RBFOX3: variants seen among roughly 807,000 people sequenced by gnomAD.
The protein encoded by RBFOX3 is RNA binding fox-1 homolog 3.
RBFOX3 carries 17 observed loss-of-function variants against 48.7 expected under a neutral mutation model. That is an observed-to-expected ratio of 0.35 (90% CI 0.24 to 0.52). RBFOX3 has a LOEUF of 0.52. RBFOX3 is among the 20% of genes least tolerant of loss of function. RBFOX3 has a pLI of 0.94. For synonymous variants in RBFOX3, 212 were observed against 209.5 expected, an observed-to-expected ratio of 1.01 and a Z score of -0.10; for missense variants, 382 against 497.5, an observed-to-expected ratio of 0.77 and a Z score of 2.21.
intron 1 of RBFOX3, among the ~76,000 whole-genome samples, chr17:79,540,115 A>G (rs1235301748): frequency 1.3e-5 from 2 of 152,078 alleles, no homozygotes; most frequent in African/African-American, 4.8e-5. Flanking sequence ...CCAGGGTGAT[A>G]TTTCTTTCTC....
intron 2 of RBFOX3, among the ~76,000 whole-genome samples, chr17:79,452,826 C>T (rs117803858): frequency 0.017 from 2,561 of 152,294 alleles, 44 homozygotes; most frequent in Non-Finnish European, 0.025. Context: ...TTGCACAACC[C>T]GGGGGCATTG....
the RBFOX3 span, among the ~76,000 whole-genome samples, chr17:79,646,602 G>GC: frequency 6.6e-6 from 1 of 152,114 alleles, no homozygotes; most frequent in African/African-American, 2.4e-5. Flanking sequence ...GGGGGAAACT[G>GC]CCCCCATGAT....
intron 4 of RBFOX3, among the ~76,000 whole-genome samples, chr17:79,200,224 A>G (rs2056532919): frequency 6.6e-6 from 1 of 151,252 alleles, no homozygotes; most frequent in Non-Finnish European, 1.5e-5. Flanking sequence ...CCCAAGGCCC[A>G]GTGAGATGAC....
intron 2 of RBFOX3, among the ~76,000 whole-genome samples, chr17:79,435,369 G>C (rs2069208401): frequency 6.6e-6 from 1 of 152,180 alleles, no homozygotes; most frequent in Admixed American, 6.5e-5. Flanking sequence ...CTCATGCCCT[G>C]AGTGTCCCCC....
chr17:79,170,077 GAGGA>G (rs913716126), intron 4 of RBFOX3, among the ~76,000 whole-genome samples: 4 of 147,900 alleles, frequency 2.7e-5, no homozygotes, highest in East Asian at 2.0e-4. Flanking sequence ...AAAGGAAACG[GAGGA>G]AGGAAGGAAG....
chr17:79,438,472 A>G (rs1239822573), intron 2 of RBFOX3, among the ~76,000 whole-genome samples: 1 of 152,238 alleles, frequency 6.6e-6, no homozygotes, highest in Admixed American at 6.5e-5. Context: ...TCCCAGGTCC[A>G]TGGCTCTGCT....
chr17:79,376,621 G>C (rs2059254443), intron 2 of RBFOX3, among the ~76,000 whole-genome samples: 1 of 152,216 alleles, frequency 6.6e-6, no homozygotes, highest in Admixed American at 6.5e-5. Flanking sequence ...CCCACTGCGT[G>C]TTTGCTCAGC....
upstream of RBFOX3, among the ~76,000 whole-genome samples, chr17:79,615,063 G>GA (rs1207749475): frequency 0.23 from 32,513 of 143,192 alleles, 6,835 homozygotes; most frequent in African/African-American, 0.57. Flanking sequence ...AATCACTGAA[G>GA]AAAAAAAAAA....
At chr17:79,662,709 G>C in the RBFOX3 span, among the ~76,000 whole-genome samples, 2 of 152,188 alleles carry the variant, frequency 1.3e-5, no homozygotes, top group South Asian at 4.1e-4. Flanking sequence ...TAACAAGTCT[G>C]GGTGTTAGTC....
At chr17:79,580,115 G>T (rs2093005597) in intron 1 of RBFOX3, among the ~76,000 whole-genome samples, 1 of 151,978 alleles carries the variant, frequency 6.6e-6, no homozygotes, top group African/African-American at 2.4e-5. Context: ...TGGCATCCCA[G>T]TCCCATCTCC....
At chr17:79,656,758 G>C in the RBFOX3 span, among the ~76,000 whole-genome samples, 1 of 17,098 alleles carries the variant, frequency 5.8e-5, no homozygotes, top group Non-Finnish European at 1.5e-4. Context: ...AAGAAGGAAG[G>C]AAGGAAGGAA....
At chr17:79,414,626 C>G (rs376020133) in intron 2 of RBFOX3, among the ~76,000 whole-genome samples, 1 of 152,178 alleles carries the variant, frequency 6.6e-6, no homozygotes. Flanking sequence ...CTCCAGGCTG[C>G]GGACTCAGAA....
chr17:79,259,157 G>A (rs1042271544), intron 3 of RBFOX3, among the ~76,000 whole-genome samples: 3 of 152,240 alleles, frequency 2.0e-5, no homozygotes, highest in East Asian at 1.9e-4. Flanking sequence ...ACTGAATGCT[G>A]TTTTTCTATA....
rs111916656 is a variant in RBFOX3 at position 79,547,073 on chromosome 17, A to G, written c.-320+63753T>C. On this transcript the variant is annotated intron_variant, in intron 1 of 14. Transcript: ENST00000693108. ...CCCTTCCATCCAGGGCTGGACAAGG[A>G]GCCCTAGGGAGCCTGGCAGGTGAAC... Among the ~76,000 whole-genome samples the G allele has an allele frequency of 6.1e-3, 927 of 152,256 alleles. 8 individuals are homozygous for G. The highest frequency in any genetic ancestry group is 0.021 in the African/African-American group (880 of 41,538).
In RBFOX3 at chr17:79,090,402, G is replaced by A; in HGVS notation, c.*481C>T. ...AAAGCTGCCCGCACCCCTCAGCCCC[G>A]CCGGCCCCCTGGCACAGCTGGCCAC... On this transcript the variant is annotated 3_prime_UTR_variant, in exon 15 of 15. Coordinates refer to ENST00000693108, the MANE Select transcript of RBFOX3 (RefSeq NM_001350451.2). 6.4e-6 allele frequency: 1 copy of A among 156,162 alleles called. No individual in the cohort carries two copies. The highest frequency in any genetic ancestry group is 1.9e-4 in the East Asian group (1 of 5,312). The allele number at this position is 156,162 out of a possible 1,614,324, so 9.7% of individuals were successfully genotyped here.
In RBFOX3 at chr17:79,111,713, G is replaced by T. The variant is rs376490336; in HGVS notation, c.222+3781C>A. ...CTCCCGAAGTGCTGGGGTGACAGGC[G>T]TGAGCCAACATGCCCGGCCCGTTAG... On this transcript the variant is annotated intron_variant, in intron 5 of 14. Transcript: ENST00000693108. This position sits in a 1 kb window ranked among gnomAD's most constrained non-coding sequence, Gnocchi z 4.2. 2.1e-3 allele frequency among the ~76,000 whole-genome samples: 318 copies of T among 152,350 alleles called. No individual in the cohort carries two copies. Among genetic ancestry groups the T allele is most frequent in the Non-Finnish European group, 3.4e-3 (234 of 68,036 alleles).
intron 2 of RBFOX3, among the ~76,000 whole-genome samples, chr17:79,379,222 A>G (rs1180822208): frequency 6.6e-6 from 1 of 152,098 alleles, no homozygotes; most frequent in Non-Finnish European, 1.5e-5. Flanking sequence ...CACGCAAATA[A>G]GGGTTTGCCT....
chr17:79,141,792 G>A (rs1453781874), intron 4 of RBFOX3, among the ~76,000 whole-genome samples: 2 of 152,112 alleles, frequency 1.3e-5, no homozygotes, highest in Admixed American at 6.6e-5. Flanking sequence ...GTGAGCGGAC[G>A]ACACAGTGCC....
intron 4 of RBFOX3, among the ~76,000 whole-genome samples, chr17:79,170,877 G>A (rs9896674): frequency 0.028 from 4,196 of 152,258 alleles, 118 homozygotes; most frequent in East Asian, 0.16. Context: ...AGGTGCTCCA[G>A]GAACCCCCGT....
Sources: allele counts gnomAD v4.1 joint callset (sites outside exome capture counted in the v4.1 genomes callset), GRCh38; gene constraint gnomAD v4.1.1; non-coding constraint Gnocchi (gnomAD v3.1); transcripts MANE v1.5; gene names NCBI Gene and HGNC (gene_info 2026-07-23, HGNC 2026-07-21).